The following CNOT4 variants were observed in gnomAD, a reference collection of about 807,000 sequenced individuals.
CNOT4 encodes CCR4-associated factor 4.
A neutral mutation model predicts 73.8 loss-of-function variants in CNOT4; 8 were observed. That is an observed-to-expected ratio of 0.11 (90% CI 0.06 to 0.20). The LOEUF is 0.20. Among genes scored for constraint, CNOT4 ranks in the 10% least tolerant of loss-of-function variants. CNOT4 has a pLI of 1.00. For missense variants in CNOT4, 564 were observed against 883.4 expected (o/e 0.64, Z 4.58); for synonymous variants, 293 against 321.1 (o/e 0.91, Z 0.94).
intron 2 of CNOT4, 41 bp downstream of exon 2, chr7:135,438,117 A>G: frequency 8.4e-7 from 1 of 1,184,554 alleles, no homozygotes; most frequent in Non-Finnish European, 1.2e-6. Flanking sequence ...AAAACTATAC[A>G]ATTAAAACAA....
At chr7:135,464,111 AC>A (rs1447058008) in intron 1 of CNOT4, among the ~76,000 whole-genome samples, 1 of 151,914 alleles carries the variant, frequency 6.6e-6, no homozygotes, top group Admixed American at 6.6e-5. Context: ...TAGTTCAACC[AC>A]TGTGGAAAGC....
At chr7:135,438,129 T>C (rs781420788) in intron 2 of CNOT4, 29 bp downstream of exon 2, 1 of 1,322,732 alleles carries the variant, frequency 7.6e-7, no homozygotes, top group Non-Finnish European at 1.1e-6. Flanking sequence ...TTAAAACAAA[T>C]CACTGTGAAG....
chr7:135,397,333 A>G (rs902742475), intron 8 of CNOT4, among the ~76,000 whole-genome samples: 1 of 152,136 alleles, frequency 6.6e-6, no homozygotes, highest in East Asian at 1.9e-4. Context: ...TCAGATACCA[A>G]TATTTCTAAT....
At chr7:135,405,095 G>C (rs1797208315) in intron 7 of CNOT4, among the ~76,000 whole-genome samples, 2 of 152,286 alleles carry the variant, frequency 1.3e-5, no homozygotes, top group South Asian at 4.1e-4. Flanking sequence ...AAGTCACAGA[G>C]ACTTTGGTCA....
Position 135,495,689 on chromosome 7 carries a change from AAAAAGAAAGAAAGAAAGAAAGAAAGAAAG to A in CNOT4, c.-93+14171_-93+14199del, listed in dbSNP as rs1563083477. ...TGTGTCAAAAAAAAAAAAAAAAAAA[AAAAAGAAAGAAAGAAAGAAAGAAAGAAAG>A]AAAGAAAGAAAGAAAGAAAGAAAGA... On this transcript the variant is annotated intron_variant, in intron 1 of 11. Coordinates refer to ENST00000541284, the MANE Select transcript of CNOT4 (RefSeq NM_001190850.2). 2.2e-3 allele frequency among the ~76,000 whole-genome samples: 98 copies of A among 44,792 alleles called. 8 individuals are homozygous for A. The highest frequency in any genetic ancestry group is 3.7e-3 in the Non-Finnish European group (77 of 20,940). 29.4% of individuals were successfully genotyped at this position (44,792 alleles called of 152,430 possible).
At chr7:135,378,456 G>A (rs113329949) in intron 10 of CNOT4, among the ~76,000 whole-genome samples, 5,661 of 151,606 alleles carry the variant, frequency 0.037, 334 homozygotes, top group African/African-American at 0.12. Context: ...GTGAGCCGAC[G>A]TCGCACCACT....
intron 10 of CNOT4, among the ~76,000 whole-genome samples, chr7:135,382,448 T>C (rs767730909): frequency 1.3e-5 from 2 of 152,218 alleles, no homozygotes; most frequent in Non-Finnish European, 2.9e-5. Context: ...CAATGATTTG[T>C]ACTTAGAAGC....
chr7:135,448,935 A>G (rs1800000101), intron 1 of CNOT4, among the ~76,000 whole-genome samples: 1 of 152,184 alleles, frequency 6.6e-6, no homozygotes, highest in African/African-American at 2.4e-5. Context: ...GAGTGAAAAA[A>G]ATACAAAGCC....
chr7:135,500,884 C>A (rs1314185384), intron 1 of CNOT4, among the ~76,000 whole-genome samples: 1 of 152,030 alleles, frequency 6.6e-6, no homozygotes, highest in Non-Finnish European at 1.5e-5. Flanking sequence ...ATTTCTCTTA[C>A]TGTAATAAAG....
At chr7:135,434,950 C>T (rs1389628127) in intron 2 of CNOT4, among the ~76,000 whole-genome samples, 3 of 152,102 alleles carry the variant, frequency 2.0e-5, no homozygotes, top group Non-Finnish European at 4.4e-5. Context: ...TGAATCTTTG[C>T]ATGTGTGAAA....
In CNOT4 at chr7:135,394,039, G is replaced by A. The variant is rs1287545449; in HGVS notation, c.1506C>T (p.Ala502=). Residue 502 remains alanine, a synonymous_variant, in exon 10 of 12, where the codon GCC becomes GCT. Coordinates refer to ENST00000541284, the MANE Select transcript of CNOT4 (RefSeq NM_001190850.2). ...AGTGCATGATGCTATTGCGTGGAAAGGCCATCCAAGGATAGCGGGCTGCCT... is the reference window on the plus strand; with the variant it reads ...AGTGCATGATGCTATTGCGTGGAAAAGCCATCCAAGGATAGCGGGCTGCCT... ...PGQAARYPWM[A]FPRNSIMHLN... is the part of the protein sequence containing the mutation. The A allele has an allele frequency of 6.2e-7, 1 of 1,614,156 alleles. No individual in the cohort carries two copies. The highest frequency in any genetic ancestry group is 1.1e-5 in the South Asian group (1 of 91,086).
chr7:135,447,818 C>A (rs1799920713), intron 1 of CNOT4, among the ~76,000 whole-genome samples: 1 of 152,150 alleles, frequency 6.6e-6, no homozygotes, highest in Non-Finnish European at 1.5e-5. Context: ...GGGATGCGCC[C>A]CTCTGGGTCT....
chr7:135,416,406 G>A (rs1426566114), intron 3 of CNOT4, among the ~76,000 whole-genome samples: 1 of 152,086 alleles, frequency 6.6e-6, no homozygotes, highest in Non-Finnish European at 1.5e-5. Context: ...TATGTTTGCT[G>A]TAGCCAATTC....
At chr7:135,419,142 C>CT (rs150886946) in intron 3 of CNOT4, among the ~76,000 whole-genome samples, 27 of 151,574 alleles carry the variant, frequency 1.8e-4, no homozygotes, top group Non-Finnish European at 3.5e-4. Context: ...CTTCTAAGAT[C>CT]TTTTTTTTTC....
chr7:135,453,846 A>ATATATATATATATATT (rs901694822), intron 1 of CNOT4, among the ~76,000 whole-genome samples: 1 of 123,268 alleles, frequency 8.1e-6, no homozygotes, highest in Non-Finnish European at 1.8e-5. Context: ...ATATATATAT[A>ATATATATATATATATT]TTATATATAT....
chr7:135,495,752 AAGAAAGAAAG>A lies in CNOT4; in HGVS notation c.-93+14127_-93+14136del, dbSNP rs1563083625. 8.7e-4 allele frequency among the ~76,000 whole-genome samples: 114 copies of A among 131,578 alleles called. 1 individual carries two copies. Among genetic ancestry groups the A allele is most frequent in the African/African-American group, 2.7e-3 (102 of 37,586 alleles). The allele number at this position is 131,578 out of a possible 152,430, so 86.3% of individuals were successfully genotyped here. ...AAAGAAAGAAAGAAAGAAAGAAAGA[AAGAAAGAAAG>A]AAATTTAAGAACATTCAGGGCTGGG... On this transcript the variant is annotated intron_variant, in intron 1 of 11. Transcript: ENST00000541284.
intron 1 of CNOT4, among the ~76,000 whole-genome samples, chr7:135,473,390 A>T (rs1320331797): frequency 6.6e-6 from 1 of 152,198 alleles, no homozygotes. Context: ...AAAAACTAAT[A>T]AACATGACAG....
chr7:135,389,720 AT>A (rs1796305071), intron 10 of CNOT4, among the ~76,000 whole-genome samples: 2 of 152,296 alleles, frequency 1.3e-5, no homozygotes, highest in African/African-American at 2.4e-5. Context: ...AGTTTCAAAT[AT>A]TTTTTGAGGT....
intron 4 of CNOT4, among the ~76,000 whole-genome samples, chr7:135,414,752 A>G (rs927595019): frequency 9.2e-5 from 14 of 152,146 alleles, no homozygotes; most frequent in Admixed American, 4.6e-4. Context: ...AGATTAAAAA[A>G]TAAGACTTAA....
Sources: gnomAD v4.1 joint callset for allele counts (sites outside exome capture counted in the v4.1 genomes callset) on GRCh38, gnomAD v4.1.1 for gene constraint, MANE v1.5 for transcripts, NCBI Gene and HGNC (gene_info 2026-07-23, HGNC 2026-07-21) for gene names.